The following TSHZ2 variants were observed in gnomAD, a reference collection of about 807,000 sequenced individuals.
TSHZ2 encodes the protein teashirt homolog 2.
In TSHZ2, 21 loss-of-function variants were observed where a neutral mutation model predicts 74.4. The observed-to-expected ratio is 0.28, with a 90% CI of 0.20 to 0.41. The LOEUF (loss-of-function observed/expected upper bound fraction) is 0.41, where lower values mean the gene tolerates loss of function less well. Among genes scored for constraint, TSHZ2 ranks in the 10% least tolerant of loss-of-function variants. TSHZ2 has a pLI of 1.00. For synonymous variants in TSHZ2, 540 were observed against 515.3 expected (o/e 1.05, Z -0.65); for missense variants, 1,244 against 1,293.5 (o/e 0.96, Z 0.59).
rs750453219 is a variant in TSHZ2 at position 53,175,131 on chromosome 20, C to CTTTTTTTTTTTTTT, written c.41-78353_41-78340dup. Reference sequence around the variant, plus strand: ...CTCCTTCTCCTCCTTCTTCTTCTTTCTTTTTTTTTTTTTTTTTTTTTTTTT... The same window carrying CTTTTTTTTTTTTTT: ...CTCCTTCTCCTCCTTCTTCTTCTTTCTTTTTTTTTTTTTTTTTTTTTTTTTTTTTTTTTTTTTTT... On this transcript the variant is annotated intron_variant, in intron 1 of 2. Transcript: ENST00000371497. 6.8e-4 allele frequency among the ~76,000 whole-genome samples: 43 copies of CTTTTTTTTTTTTTT among 63,636 alleles called. 2 individuals carry two copies. Among genetic ancestry groups the CTTTTTTTTTTTTTT allele is most frequent in the East Asian group, 4.2e-3 (5 of 1,198 alleles). The allele number at this position is 63,636 out of a possible 152,430, so 41.7% of individuals were successfully genotyped here.
At chr20:53,277,987 A>T (rs1422577220) in intron 2 of TSHZ2, among the ~76,000 whole-genome samples, 2 of 152,130 alleles carry the variant, frequency 1.3e-5, no homozygotes, top group Non-Finnish European at 2.9e-5. Context: ...ATCTCTACTT[A>T]CTACCCTGTC....
chr20:53,211,384 C>G (rs1410160096), intron 1 of TSHZ2, among the ~76,000 whole-genome samples: 1 of 152,056 alleles, frequency 6.6e-6, no homozygotes, highest in Non-Finnish European at 1.5e-5. Context: ...GCACTGTAGG[C>G]TCAGGAAACT....
At chr20:53,325,200 GTT>G (rs1300910306) in intron 2 of TSHZ2, among the ~76,000 whole-genome samples, 2 of 152,152 alleles carry the variant, frequency 1.3e-5, no homozygotes. Flanking sequence ...ATTTCCCTGA[GTT>G]GAGATCTCCA....
At chr20:53,106,454 G>T (rs1986373098) in intron 1 of TSHZ2, among the ~76,000 whole-genome samples, 1 of 126,678 alleles carries the variant, frequency 7.9e-6, no homozygotes, top group South Asian at 2.6e-4. Flanking sequence ...TCCCAAGCTG[G>T]AGTGCAGTGG....
chr20:53,010,867 G>A (rs1462679888), intron 1 of TSHZ2, among the ~76,000 whole-genome samples: 1 of 152,084 alleles, frequency 6.6e-6, no homozygotes, highest in African/African-American at 2.4e-5. Context: ...ACTGAAAGCT[G>A]AAACTAGAAT....
At chr20:53,071,086 A>T (rs1393408894) in intron 1 of TSHZ2, among the ~76,000 whole-genome samples, 1 of 152,236 alleles carries the variant, frequency 6.6e-6, no homozygotes, top group Non-Finnish European at 1.5e-5. Flanking sequence ...AATAGCACAT[A>T]CATAAATGAC....
chr20:53,223,366 G>A (rs999776422), intron 1 of TSHZ2, among the ~76,000 whole-genome samples: 1 of 152,044 alleles, frequency 6.6e-6, no homozygotes, highest in Non-Finnish European at 1.5e-5. Flanking sequence ...GACTCAAAAG[G>A]TTACTTGCTC....
intron 2 of TSHZ2, among the ~76,000 whole-genome samples, chr20:53,448,014 C>T (rs373207577): frequency 1.1e-4 from 16 of 151,568 alleles, no homozygotes; most frequent in East Asian, 7.8e-4. Context: ...CCCTGGTTCA[C>T]GCCATTCTCC....
intron 2 of TSHZ2, among the ~76,000 whole-genome samples, chr20:53,322,717 G>C (rs1979322437): frequency 6.6e-6 from 1 of 152,158 alleles, no homozygotes; most frequent in African/African-American, 2.4e-5. Context: ...AATGCAGGGA[G>C]CTGGGCCTTG....
chr20:53,176,437 T>G (rs973991589), intron 1 of TSHZ2, among the ~76,000 whole-genome samples: 1 of 152,152 alleles, frequency 6.6e-6, no homozygotes, highest in Non-Finnish European at 1.5e-5. Flanking sequence ...GGTAGGTTTC[T>G]CAAAGCCCTC....
intron 2 of TSHZ2, among the ~76,000 whole-genome samples, chr20:53,269,360 G>A (rs1214437337): frequency 6.6e-6 from 1 of 152,062 alleles, no homozygotes; most frequent in Non-Finnish European, 1.5e-5. Flanking sequence ...GGGAGGGGTG[G>A]GGGGGATAAA....
chr20:53,300,206 C>T (rs559342672), intron 2 of TSHZ2, among the ~76,000 whole-genome samples: 9 of 152,238 alleles, frequency 5.9e-5, no homozygotes, highest in South Asian at 4.2e-4. Context: ...GGTATTGTTT[C>T]GTAATGATCT....
chr20:53,468,501 G>T (rs1034665640), intron 2 of TSHZ2, among the ~76,000 whole-genome samples: 2 of 151,746 alleles, frequency 1.3e-5, no homozygotes, highest in East Asian at 3.9e-4. Flanking sequence ...CCAAGATATC[G>T]CCCTGTTTCT....
intron 2 of TSHZ2, among the ~76,000 whole-genome samples, chr20:53,341,718 G>T (rs1425771494): frequency 1.3e-5 from 2 of 151,910 alleles, no homozygotes; most frequent in Non-Finnish European, 2.9e-5. Flanking sequence ...GGGGCAGGGG[G>T]GTGCGGGCTG....
At chr20:53,124,539 G>C (rs1280001474) in intron 1 of TSHZ2, among the ~76,000 whole-genome samples, 1 of 152,188 alleles carries the variant, frequency 6.6e-6, no homozygotes, top group Admixed American at 6.5e-5. Flanking sequence ...TCATCGACAT[G>C]ACCAGGAATT....
chr20:53,205,574 C>A (rs1356451324), intron 1 of TSHZ2, among the ~76,000 whole-genome samples: 1 of 152,098 alleles, frequency 6.6e-6, no homozygotes, highest in Non-Finnish European at 1.5e-5. Context: ...AATATGCAGC[C>A]GCACTGTCCA....
At chr20:53,268,686 C>A (rs528263399) in intron 2 of TSHZ2, among the ~76,000 whole-genome samples, 1 of 152,302 alleles carries the variant, frequency 6.6e-6, no homozygotes, top group South Asian at 2.1e-4. Flanking sequence ...TATTTAATTT[C>A]ACTAAACCCC....
chr20:53,148,032 A>G (rs1345215418), intron 1 of TSHZ2, among the ~76,000 whole-genome samples: 7 of 152,208 alleles, frequency 4.6e-5, no homozygotes. Flanking sequence ...TATGTCTTAT[A>G]ACAAGATTTG....
chr20:53,028,957 GTTGCTAGATCTC>G lies in TSHZ2; in HGVS notation c.40+55626_40+55637del, dbSNP rs148280330. ...ATAACAGACACAGCTATGACAATGT[GTTGCTAGATCTC>G]TCAATTTTTTTAGTTCATTCAAAAC... On this transcript the variant is annotated intron_variant, in intron 1 of 2. Coordinates refer to ENST00000371497, the MANE Select transcript of TSHZ2 (RefSeq NM_173485.6). Among the ~76,000 whole-genome samples, 24 of 152,334 alleles carry G rather than the reference GTTGCTAGATCTC, an allele frequency of 1.6e-4. No homozygotes were observed. The East Asian group carries it at 4.6e-3, about 29-fold the overall frequency.
Sources: gnomAD v4.1 joint callset for allele counts (sites outside exome capture counted in the v4.1 genomes callset) on GRCh38, gnomAD v4.1.1 for gene constraint, MANE v1.5 for transcripts, NCBI Gene and HGNC (gene_info 2026-07-23, HGNC 2026-07-21) for gene names.